DENND2B: variants seen among roughly 807,000 people sequenced by gnomAD.
DENND2B encodes DENN domain-containing protein 2B.
In DENND2B, 32 loss-of-function variants were observed where a neutral mutation model predicts 116.0. That is an observed-to-expected ratio of 0.28 (90% CI 0.21 to 0.37). The LOEUF (loss-of-function observed/expected upper bound fraction) is 0.37, where lower values mean the gene tolerates loss of function less well. Ranked by LOEUF, DENND2B falls within the 10% of genes least tolerant of loss-of-function variation. The pLI is 1.00. For synonymous variants in DENND2B, 588 were observed against 583.9 expected, an observed-to-expected ratio of 1.01 and a Z score of -0.10; for missense variants, 1,276 against 1,477.7, an observed-to-expected ratio of 0.86 and a Z score of 2.24.
upstream of DENND2B, among the ~76,000 whole-genome samples, chr11:8,872,954 T>C (rs1174583840): frequency 6.6e-6 from 1 of 152,184 alleles, no homozygotes; most frequent in Non-Finnish European, 1.5e-5. Context: ...ACCTGGGCCA[T>C]ATTTGGATGA....
intron 4 of DENND2B, among the ~76,000 whole-genome samples, chr11:8,836,866 C>A (rs1435904674): frequency 1.3e-5 from 2 of 152,192 alleles, no homozygotes; most frequent in African/African-American, 2.4e-5. Context: ...CAGGCACACA[C>A]CACCACACCT....
At chr11:8,868,087 C>T (rs539536425) in intron 2 of DENND2B, among the ~76,000 whole-genome samples, 1 of 152,320 alleles carries the variant, frequency 6.6e-6, no homozygotes, top group East Asian at 1.9e-4. Context: ...TCCACATACA[C>T]ATTCCATTTC....
At chr11:8,764,202 A>T (rs760175712) in intron 1 of DENND2B, among the ~76,000 whole-genome samples, 8 of 149,536 alleles carry the variant, frequency 5.3e-5, no homozygotes, top group Admixed American at 2.0e-4. Flanking sequence ...CCTGGGCAAT[A>T]GAGCGAGAAT....
Position 8,715,597 on chromosome 11 carries a change from G to C in DENND2B, c.1845+6C>G. The stretch of plus-strand genomic sequence containing the variant: ...GGCTCCAGTGGGCTGCCTCTGGGGA[G>C]GGTACCTTGGGAATGCGGCGGGCCC... On this transcript the variant is annotated splice_donor_region_variant and intron_variant, in intron 6 of 19. Coordinates refer to ENST00000313726, the MANE Select transcript of DENND2B (RefSeq NM_213618.2). 6.2e-7 allele frequency: 1 copy of C among 1,611,328 alleles called. No homozygotes were observed. Among genetic ancestry groups the C allele is most frequent in the Non-Finnish European group, 8.5e-7 (1 of 1,178,080 alleles).
chr11:8,703,803 G>A (rs1331923573), intron 13 of DENND2B, among the ~76,000 whole-genome samples: 3 of 152,172 alleles, frequency 2.0e-5, no homozygotes, highest in Non-Finnish European at 4.4e-5. Flanking sequence ...GCATGGTAAC[G>A]GTCTGTGTCC....
Position 8,869,675 on chromosome 11 carries a change from A to T in DENND2B, c.-250+1279T>A, listed in dbSNP as rs571858483. Among the ~76,000 whole-genome samples, 15 of 152,170 alleles carry T rather than the reference A, an allele frequency of 9.9e-5. No individual in the cohort carries two copies. In the East Asian group the frequency reaches 1.3e-3, roughly 14 times the overall value. ...CGTCTCGAAAAAAAAAAAGAAAAAA[A>T]TTTTTTAAATAAAAAATATATGCCA... On this transcript the variant is annotated intron_variant, in intron 2 of 6. Coordinates refer to the DENND2B transcript ENST00000524757.
At chr11:8,821,564 G>C (rs967427527) in intron 4 of DENND2B, among the ~76,000 whole-genome samples, 8 of 134,858 alleles carry the variant, frequency 5.9e-5, no homozygotes, top group South Asian at 2.8e-4. Context: ...AGGAGACAGA[G>C]AGAGATCCTG....
At chr11:8,829,318 C>G (rs930156841) in intron 4 of DENND2B, among the ~76,000 whole-genome samples, 2 of 152,020 alleles carry the variant, frequency 1.3e-5, no homozygotes, top group Middle Eastern at 3.2e-3. Context: ...CTGGCCACAG[C>G]GCAATTCAGC....
chr11:8,766,728 G>A (rs1209930117), intron 1 of DENND2B: 3 of 1,257,154 alleles, frequency 2.4e-6, no homozygotes, highest in Non-Finnish European at 3.1e-6. Flanking sequence ...CATCACAGCT[G>A]TTGATACAAT....
At chr11:8,895,323 C>G (rs916582627) in intron 1 of DENND2B, among the ~76,000 whole-genome samples, 17 of 152,066 alleles carry the variant, frequency 1.1e-4, no homozygotes, top group Admixed American at 6.6e-4. Context: ...GTGCAGCACA[C>G]CAACATGGCA....
intron 4 of DENND2B, among the ~76,000 whole-genome samples, chr11:8,817,438 T>C (rs1332236516): frequency 6.6e-6 from 1 of 152,080 alleles, no homozygotes; most frequent in African/African-American, 2.4e-5. Context: ...GAAATACCCA[T>C]TCTGTGGTCA....
intron 3 of DENND2B, among the ~76,000 whole-genome samples, chr11:8,842,115 G>A (rs1010210184): frequency 3.9e-5 from 6 of 152,146 alleles, no homozygotes; most frequent in South Asian, 2.1e-4. Flanking sequence ...ATCCGTTCAC[G>A]AAAGTATCAA....
At chr11:8,909,439 A>AAGAAGAAGG (rs11280727) in intron 1 of DENND2B, among the ~76,000 whole-genome samples, 72,731 of 149,034 alleles carry the variant, frequency 0.49, 19,615 homozygotes, top group East Asian at 0.63. Context: ...GAGGAGGAGG[A>AAGAAGAAGG]AGAAGGAGAA....
At chr11:8,800,613 C>T (rs966452638) in intron 1 of DENND2B, among the ~76,000 whole-genome samples, 7 of 152,214 alleles carry the variant, frequency 4.6e-5, no homozygotes, top group African/African-American at 1.7e-4. Flanking sequence ...TAGGAACTCC[C>T]TATTCTGCCC....
chr11:8,716,650 CTT>C (rs5789583), intron 5 of DENND2B, among the ~76,000 whole-genome samples: 86 of 145,046 alleles, frequency 5.9e-4, no homozygotes, highest in African/African-American at 5.3e-4. Context: ...GAGGGTAAAT[CTT>C]TTTTTTTTTT....
At chr11:8,894,066 C>T (rs1229922241) in intron 1 of DENND2B, among the ~76,000 whole-genome samples, 1 of 152,180 alleles carries the variant, frequency 6.6e-6, no homozygotes, top group African/African-American at 2.4e-5. Flanking sequence ...ACCAATGGAA[C>T]AGAACAGAGC....
intron 1 of DENND2B, among the ~76,000 whole-genome samples, chr11:8,751,069 T>C (rs1022669843): frequency 6.6e-6 from 1 of 151,824 alleles, no homozygotes; most frequent in Non-Finnish European, 1.5e-5. Context: ...TGCTGGGGAC[T>C]TGGAGAATCT....
chr11:8,718,162 A>G, intron 4 of DENND2B: 1 of 429,854 alleles, frequency 2.3e-6, no homozygotes, highest in East Asian at 5.9e-5. Flanking sequence ...TTATAAATTC[A>G]GGGATTGCAC....
intron 1 of DENND2B, among the ~76,000 whole-genome samples, chr11:8,768,014 AAAAG>A (rs2056184019): frequency 6.6e-6 from 1 of 151,988 alleles, no homozygotes; most frequent in African/African-American, 2.4e-5. Flanking sequence ...AGGGAGGGAC[AAAAG>A]AAAGAGATCT....
Sources: allele counts gnomAD v4.1 joint callset (sites outside exome capture counted in the v4.1 genomes callset), GRCh38; gene constraint gnomAD v4.1.1; transcripts MANE v1.5; gene names NCBI Gene and HGNC (gene_info 2026-07-23, HGNC 2026-07-21).